The following C20orf96 variants were observed in gnomAD, a reference collection of about 807,000 sequenced individuals.
C20orf96 encodes uncharacterized protein C20orf96.
C20orf96 carries 57 observed loss-of-function variants against 52.6 expected under a neutral mutation model. That is an observed-to-expected ratio of 1.08 (90% CI 0.88 to 1.35). C20orf96 has a LOEUF of 1.35. Ranked by LOEUF, C20orf96 falls within the 40% of genes most tolerant of loss-of-function variation. The pLI, the probability that C20orf96 is intolerant of heterozygous loss-of-function variation, is 0.00. For missense variants in C20orf96, 478 were observed against 443.6 expected, an observed-to-expected ratio of 1.08 and a Z score of -0.70; for synonymous variants, 168 against 157.2, an observed-to-expected ratio of 1.07 and a Z score of -0.51.
intron 10 of C20orf96, among the ~76,000 whole-genome samples, chr20:272,065 T>A (rs76789052): frequency 0.018 from 2,662 of 151,844 alleles, 23 homozygotes; most frequent in South Asian, 0.047. Context: ...ATACTTGCAA[T>A]TTACAAATAC....
At position 290,584 on chromosome 20, in the gene C20orf96, T is replaced by TTA. The variant is rs3835237; in HGVS notation, c.20+6_20+7insTA. On this transcript the variant is annotated splice_region_variant and intron_variant, in intron 1 of 10. Coordinates refer to ENST00000360321, the MANE Select transcript of C20orf96 (RefSeq NM_153269.3). The stretch of plus-strand genomic sequence containing the variant: ...TCCAATTTTTTTTTTTTTTTTTTTT[T>TTA]ACCTACTTTTGTAAGACATGCGCCA... The TTA allele has an allele frequency of 0.062, 88,944 of 1,432,950 alleles. 1,200 individuals carry two copies. Among genetic ancestry groups the TTA allele is most frequent in the East Asian group, 0.077 (2,981 of 38,862 alleles). 88.8% of individuals were successfully genotyped at this position (1,432,950 alleles called of 1,614,324 possible). A position where few individuals can be genotyped will look rare whatever the true frequency, so the allele number is the denominator to read the frequency against.
intron 10 of C20orf96, among the ~76,000 whole-genome samples, chr20:272,433 C>T (rs188416728): frequency 1.5e-3 from 225 of 152,322 alleles, no homozygotes; most frequent in Non-Finnish European, 2.6e-3. Flanking sequence ...GTGGTGCAAT[C>T]ACAGCTCACT....
In C20orf96 at chr20:277,148, G is replaced by A; in HGVS notation, c.724-3C>T. The A allele has an allele frequency of 1.2e-6, 2 of 1,613,772 alleles. No homozygotes were observed. The highest frequency in any genetic ancestry group is 8.5e-7 in the Non-Finnish European group (1 of 1,179,788). ...TCACCGAGGTCATCCAGCTCATCCT[G>A]GGAGCCAGCAGAAGGGTGTTGGTCA... On this transcript the variant is annotated splice_polypyrimidine_tract_variant and splice_region_variant and intron_variant, in intron 7 of 10. Coordinates refer to ENST00000360321, the MANE Select transcript of C20orf96 (RefSeq NM_153269.3).
rs999591156 is a variant in C20orf96 at position 279,184 on chromosome 20, C to T, written c.453G>A (p.Gln151=). ...CCGCGGGTCTCACCGCCAGGGTGTC[C>T]TGCTGCTGCAGCAGGGCCCGCACGT... ...TLHVRALLQQ[Q]DTLATIIDIL... is the part of the protein sequence containing the mutation. Residue 151 remains glutamine (Q), a synonymous_variant, in exon 5 of 11, where the codon CAG becomes CAA. Coordinates refer to ENST00000360321, the MANE Select transcript of C20orf96 (RefSeq NM_153269.3). The T allele has an allele frequency of 1.4e-5, 22 of 1,599,070 alleles. No individual in the cohort carries two copies. Among genetic ancestry groups the T allele is most frequent in the Non-Finnish European group, 1.9e-5 (22 of 1,175,942 alleles).
At chr20:285,383 C>T (rs1006657014) in intron 3 of C20orf96, among the ~76,000 whole-genome samples, 2 of 152,176 alleles carry the variant, frequency 1.3e-5, no homozygotes, top group African/African-American at 2.4e-5. Flanking sequence ...ATACTAATCT[C>T]TTTAATAGAT....
intron 10 of C20orf96, among the ~76,000 whole-genome samples, chr20:271,936 A>G (rs1253266995): frequency 6.6e-6 from 1 of 152,200 alleles, no homozygotes; most frequent in Non-Finnish European, 1.5e-5. Flanking sequence ...CAAATATTTA[A>G]GAGGCTGAAG....
At chr20:274,541 G>A (rs2011954061) in intron 10 of C20orf96, among the ~76,000 whole-genome samples, 1 of 152,108 alleles carries the variant, frequency 6.6e-6, no homozygotes, top group Non-Finnish European at 1.5e-5. Flanking sequence ...CAGAATAAAG[G>A]TGATAACCTG....
In C20orf96 at chr20:275,776, G is replaced by A. The variant is rs182166919; in HGVS notation, c.1031+192C>T. ...TGCTGTGTACAGATGGGAATTGGAG[G>A]CCTTTGCAGAGATGGGAAAGGTCAC... On this transcript the variant is annotated intron_variant, in intron 10 of 10. Coordinates refer to ENST00000360321, the MANE Select transcript of C20orf96 (RefSeq NM_153269.3). 1.8e-4 allele frequency among the ~76,000 whole-genome samples: 28 copies of A among 152,280 alleles called. 1 individual carries two copies. Among genetic ancestry groups the A allele is most frequent in the Admixed American group, 1.7e-3 (26 of 15,300 alleles).
intron 3 of C20orf96, 142 bp from the exon 4 acceptor site, chr20:284,223 G>A (rs1049011221): frequency 1.6e-5 from 10 of 636,500 alleles, no homozygotes; most frequent in East Asian, 2.7e-5. Flanking sequence ...ACACTAGACC[G>A]AGGGTGAAAT....
chr20:278,233 G>C (rs898360849), intron 6 of C20orf96, 97 bp downstream of exon 6: 1 of 886,860 alleles, frequency 1.1e-6, no homozygotes, highest in African/African-American at 1.6e-5. Flanking sequence ...CAATGGGGCT[G>C]AGGGTTTCTG....
At chr20:273,128 C>T (rs1002782627) in intron 10 of C20orf96, among the ~76,000 whole-genome samples, 1 of 152,210 alleles carries the variant, frequency 6.6e-6, no homozygotes, top group African/African-American at 2.4e-5. Flanking sequence ...GCGCACGCCA[C>T]CACGCCTGGC....
At position 271,443 on chromosome 20, in the gene C20orf96, TACACACAC is replaced by T. The variant is rs71191933; in HGVS notation, c.1032-184_1032-177del. Among the ~76,000 whole-genome samples the T allele has an allele frequency of 9.8e-3, 1,319 of 134,624 alleles. 9 individuals carry two copies. The highest frequency in any genetic ancestry group is 0.01 in the Non-Finnish European group (597 of 58,624). 88.3% of individuals were successfully genotyped at this position (134,624 alleles called of 152,430 possible). A position where few individuals can be genotyped will look rare whatever the true frequency, so the allele number is the denominator to read the frequency against. On this transcript the variant is annotated intron_variant, in intron 10 of 10. Coordinates refer to ENST00000360321, the MANE Select transcript of C20orf96 (RefSeq NM_153269.3). Reference sequence around the variant, plus strand: ...AAGCCCAACTGTGCATACACAAGCATACACACACACACACACACACACACACACACACA... The same window carrying T: ...AAGCCCAACTGTGCATACACAAGCATACACACACACACACACACACACACA...
rs186215234 is a variant in C20orf96 at position 288,950 on chromosome 20, T to C, written c.187+609A>G. Among the ~76,000 whole-genome samples the C allele has an allele frequency of 1.1e-3, 172 of 152,284 alleles. No homozygotes were observed. The Middle Eastern group carries it at 0.017, about 15-fold the overall frequency. ...TGAATGATTTTTCCAAGTGAGTAAA[T>C]GGCAGAGCCAAAATCTGACCCCATG... is the stretch of plus-strand genomic sequence containing the variant. On this transcript the variant is annotated intron_variant, in intron 3 of 10. Coordinates refer to ENST00000360321, the MANE Select transcript of C20orf96 (RefSeq NM_153269.3).
Position 279,319 on chromosome 20 carries a change from C to A in C20orf96, c.318G>T (p.Arg106Ser). The change falls in exon 5 of 11, where the codon AGG becomes AGT. Residue 106 changes from arginine (R) to serine (S), a missense_variant. Coordinates refer to ENST00000360321, the MANE Select transcript of C20orf96 (RefSeq NM_153269.3). ...AKIWLMKTSLRSGRAALRELR... is the reference protein window; with the variant it reads ...AKIWLMKTSLSSGRAALRELR... Reference sequence around the variant, plus strand: ...GCTCTCGCAGAGCGGCCCTCCCGCTCCTGAGCGAGGTCTGCGGGCGGAGGG... The same window carrying A: ...GCTCTCGCAGAGCGGCCCTCCCGCTACTGAGCGAGGTCTGCGGGCGGAGGG... 1 of 1,603,102 alleles carries A rather than the reference C, an allele frequency of 6.2e-7. No individual in the cohort carries two copies. Among genetic ancestry groups the A allele is most frequent in the Non-Finnish European group, 8.5e-7 (1 of 1,177,654 alleles).
intron 3 of C20orf96, among the ~76,000 whole-genome samples, chr20:287,956 T>G (rs906428992): frequency 2.2e-5 from 3 of 135,524 alleles, no homozygotes; most frequent in Non-Finnish European, 3.2e-5. Flanking sequence ...AAATTTTTAA[T>G]TTTGATGCAG....
intron 5 of C20orf96, 48 bp from the exon 6 acceptor site, chr20:278,477 AGAGGCG>A: frequency 6.8e-7 from 1 of 1,467,716 alleles, no homozygotes; most frequent in Non-Finnish European, 9.5e-7. Flanking sequence ...GCTGGCTCTC[AGAGGCG>A]GCCACCCAGC....
At chr20:283,574 G>A (rs920775560) in intron 4 of C20orf96, among the ~76,000 whole-genome samples, 5 of 152,026 alleles carry the variant, frequency 3.3e-5, no homozygotes, top group African/African-American at 1.2e-4. Context: ...AAAGTGCTGG[G>A]ATTATAGGCA....
chr20:272,371 G>T (rs1477111083), intron 10 of C20orf96, among the ~76,000 whole-genome samples: 1 of 151,980 alleles, frequency 6.6e-6, no homozygotes, highest in Admixed American at 6.6e-5. Context: ...TTTTTGTTTT[G>T]TTTTGTTTTG....
rs143380856 is a variant in C20orf96, at chr20:284,074, G to A, written c.195C>T (p.His65=). 8.1e-6 allele frequency: 13 copies of A among 1,613,556 alleles called. No individual in the cohort carries two copies. The African/African-American group carries it at 1.6e-4, about 20-fold the overall frequency. The change falls in exon 4 of 11, where the codon CAC becomes CAT. Residue 65 remains histidine, a synonymous_variant. Coordinates refer to ENST00000360321, the MANE Select transcript of C20orf96 (RefSeq NM_153269.3). ...TTGTCACCACCGTAGTGGGCTTGAA[G>A]TGAAACACTAGGGGTAGACAGGAAA... ...KTLTRVQPVF[H]FKPTTVVTSC...
Sources: gnomAD v4.1 joint callset for allele counts (sites outside exome capture counted in the v4.1 genomes callset) on GRCh38, gnomAD v4.1.1 for gene constraint, MANE v1.5 for transcripts, NCBI Gene and HGNC (gene_info 2026-07-23, HGNC 2026-07-21) for gene names.